KAT6B: variants seen among roughly 807,000 people sequenced by gnomAD.
KAT6B encodes the protein histone acetyltransferase KAT6B.
A neutral mutation model predicts 187.5 loss-of-function variants in KAT6B; 10 were observed. The observed-to-expected ratio is 0.05, with a 90% CI of 0.03 to 0.09. The LOEUF is 0.09. Among genes scored for constraint, KAT6B ranks in the 10% least tolerant of loss-of-function variants. The pLI is 1.00. For missense variants in KAT6B, 1,952 were observed against 2,558.9 expected (o/e 0.76, Z 5.12); for synonymous variants, 861 against 926.8 (o/e 0.93, Z 1.29).
At chr10:74,905,546 G>A (rs1193916380) in intron 3 of KAT6B, among the ~76,000 whole-genome samples, 5 of 152,228 alleles carry the variant, frequency 3.3e-5, no homozygotes, top group Middle Eastern at 3.4e-3. Context: ...GGTGGGCTTG[G>A]GAATTGGGCT....
chr10:74,953,780 C>A (rs1840481804), intron 3 of KAT6B, among the ~76,000 whole-genome samples: 1 of 152,120 alleles, frequency 6.6e-6, no homozygotes, highest in African/African-American at 2.4e-5. Context: ...CTAAATACTC[C>A]TGGCTCTGAT....
At chr10:74,998,593 T>G (rs1843616893) in intron 13 of KAT6B, among the ~76,000 whole-genome samples, 1 of 152,180 alleles carries the variant, frequency 6.6e-6, no homozygotes, top group Non-Finnish European at 1.5e-5. Context: ...ACGAGAAAGT[T>G]ATGGCACATC....
intron 3 of KAT6B, among the ~76,000 whole-genome samples, chr10:74,940,952 A>C (rs1254720984): frequency 6.6e-6 from 1 of 152,184 alleles, no homozygotes; most frequent in African/African-American, 2.4e-5. Flanking sequence ...AGAATTCTTG[A>C]AGATTGGTTA....
chr10:74,975,739 G>A lies in KAT6B; in HGVS notation c.1402G>A (p.Val468Ile), dbSNP rs756967393. 2 of 1,614,062 alleles carry A rather than the reference G, an allele frequency of 1.2e-6. No homozygotes were observed. Among genetic ancestry groups the A allele is most frequent in the African/African-American group, 1.3e-5 (1 of 74,914 alleles). ...AAAGCACTATCGTCCAAGGAAAAAG[G>A]TCTCTCAGAAACAGTCATGCACTTC... is the stretch of plus-strand genomic sequence containing the variant. ...FSKHYRPRKK[V>I]SQKQSCTSHV... Residue 468 changes from valine (V) to isoleucine (I), a missense_variant, in exon 8 of 18, where the codon GTC (valine) becomes ATC (isoleucine). By Grantham distance (29) the Val-to-Ile change is conservative. This residue lies in a region of KAT6B where 417 missense variants were observed against 508.9 expected (regional missense o/e 0.82). Transcript: ENST00000287239.
intron 3 of KAT6B, among the ~76,000 whole-genome samples, chr10:74,954,449 A>G (rs1041954294): frequency 3.9e-5 from 6 of 152,210 alleles, no homozygotes; most frequent in African/African-American, 9.7e-5. Context: ...TTGAACCACA[A>G]TTAAAAAAAT....
intron 3 of KAT6B, among the ~76,000 whole-genome samples, chr10:74,896,545 C>T (rs993306481): frequency 4.6e-5 from 7 of 152,182 alleles, no homozygotes; most frequent in Admixed American, 4.6e-4. Context: ...CTGCCTTGGC[C>T]TCCCAAAGTG....
intron 3 of KAT6B, among the ~76,000 whole-genome samples, chr10:74,903,514 C>A (rs1322934626): frequency 6.6e-6 from 1 of 152,218 alleles, no homozygotes; most frequent in Non-Finnish European, 1.5e-5. Flanking sequence ...TGGTCCCCAG[C>A]TGGCAGCCAG....
At position 74,987,158 on chromosome 10, in the gene KAT6B, G is replaced by A. The variant is rs115908127; in HGVS notation, c.2536-1861G>A. 3.4e-3 allele frequency among the ~76,000 whole-genome samples: 519 copies of A among 152,254 alleles called. 2 individuals are homozygous for A. Among genetic ancestry groups the A allele is most frequent in the African/African-American group, 0.012 (496 of 41,532 alleles). On this transcript the variant is annotated intron_variant, in intron 12 of 17. Coordinates refer to ENST00000287239, the MANE Select transcript of KAT6B (RefSeq NM_012330.4). ...GCATGTTAAAAGACTAGATGAGGCC[G>A]GGTGCGGTGGCTCACGCCTGTAATC...
intron 3 of KAT6B, among the ~76,000 whole-genome samples, chr10:74,854,518 C>T (rs1481077347): frequency 6.6e-6 from 1 of 151,280 alleles, no homozygotes; most frequent in African/African-American, 2.4e-5. Flanking sequence ...GCAAAATGAG[C>T]AATATAGACA....
chr10:74,898,552 C>A (rs763702219), intron 3 of KAT6B, among the ~76,000 whole-genome samples: 19 of 152,158 alleles, frequency 1.2e-4, no homozygotes, highest in East Asian at 9.6e-4. Flanking sequence ...CTATTCACTG[C>A]CCTCTTATAT....
At chr10:74,866,659 CTGTAAA>C (rs2132349092) in intron 3 of KAT6B, among the ~76,000 whole-genome samples, 1 of 152,178 alleles carries the variant, frequency 6.6e-6, no homozygotes, top group African/African-American at 2.4e-5. Flanking sequence ...TAGAAGATAA[CTGTAAA>C]AGTTATTATT....
chr10:74,972,574 A>G lies in KAT6B; in HGVS notation c.996A>G (p.Ala332=), dbSNP rs2133688730. ...GAAAACTACTTCATGAGAAAGCTGC[A>G]CAAATAAAACGACGATATGCAAAAC... is the stretch of plus-strand genomic sequence containing the variant. ...KGRKLLHEKA[A]QIKRRYAKPI... is the part of the protein sequence containing the mutation. The change falls in exon 7 of 18, where the codon GCA becomes GCG. Residue 332 remains alanine (A), a synonymous_variant. Transcript: ENST00000287239. The G allele has an allele frequency of 6.2e-7, 1 of 1,613,090 alleles. No individual in the cohort carries two copies. The highest frequency in any genetic ancestry group is 8.5e-7 in the Non-Finnish European group (1 of 1,179,146).
At chr10:74,947,409 ATTAT>A (rs1219356440) in intron 3 of KAT6B, among the ~76,000 whole-genome samples, 1 of 152,266 alleles carries the variant, frequency 6.6e-6, no homozygotes, top group African/African-American at 2.4e-5. Flanking sequence ...CTGTTCTATT[ATTAT>A]TTATTTACCA....
chr10:75,006,933 C>T (rs143098753), intron 13 of KAT6B, among the ~76,000 whole-genome samples: 1,612 of 151,640 alleles, frequency 0.011, 12 homozygotes, highest in Non-Finnish European at 0.014. Context: ...CCGGGTGTTG[C>T]GGCATGCACC....
intron 3 of KAT6B, among the ~76,000 whole-genome samples, chr10:74,958,109 T>A (rs1382454431): frequency 6.6e-6 from 1 of 152,204 alleles, no homozygotes; most frequent in African/African-American, 2.4e-5. Context: ...TATTAAACAA[T>A]TTGTGAATGT....
intron 3 of KAT6B, among the ~76,000 whole-genome samples, chr10:74,917,406 C>G (rs1847770246): frequency 6.6e-6 from 1 of 152,192 alleles, no homozygotes; most frequent in South Asian, 2.1e-4. Flanking sequence ...AGGATCCCAT[C>G]CAGGATCCCA....
At chr10:74,862,335 G>C (rs1230626413) in intron 3 of KAT6B, among the ~76,000 whole-genome samples, 1 of 152,160 alleles carries the variant, frequency 6.6e-6, no homozygotes, top group Non-Finnish European at 1.5e-5. Context: ...TGCAAAAAGA[G>C]TATTTTTCTG....
chr10:74,882,203 C>CAGAGATT (rs1236231552), intron 3 of KAT6B, among the ~76,000 whole-genome samples: 57 of 152,242 alleles, frequency 3.7e-4, no homozygotes, highest in Non-Finnish European at 7.3e-5. Context: ...CCTGCTCAAC[C>CAGAGATT]AGAGATTCCT....
intron 3 of KAT6B, among the ~76,000 whole-genome samples, chr10:74,906,113 G>A (rs2132836942): frequency 6.6e-6 from 1 of 152,202 alleles, no homozygotes; most frequent in East Asian, 1.9e-4. Context: ...GAAAACCATA[G>A]GATTGGCTGG....
Sources: allele counts gnomAD v4.1 joint callset (sites outside exome capture counted in the v4.1 genomes callset), GRCh38; gene constraint gnomAD v4.1.1; regional missense constraint gnomAD v4.1.1; transcripts MANE v1.5; gene names NCBI Gene and HGNC (gene_info 2026-07-23, HGNC 2026-07-21).